The following OCRL variants were observed in gnomAD, a reference collection of about 807,000 sequenced individuals.
OCRL encodes the protein inositol polyphosphate 5-phosphatase OCRL.
A neutral mutation model predicts 78.9 loss-of-function variants in OCRL; 8 were observed. The ratio of observed to expected loss-of-function variants is 0.10; its 90% CI spans 0.06 to 0.18. OCRL has a LOEUF of 0.18. OCRL is among the 10% of genes least tolerant of loss of function. The pLI, the probability that OCRL is intolerant of heterozygous loss-of-function variation, is 1.00. For missense variants in OCRL, 454 were observed against 696.7 expected (o/e 0.65, Z 3.92); for synonymous variants, 240 against 235.4 (o/e 1.02, Z -0.18).
chrX:129,575,208 G>A lies in OCRL; in HGVS notation c.1671G>A (p.Met557Ile), dbSNP rs1309511371. The A allele has an allele frequency of 1.7e-6, 2 of 1,206,865 alleles. No individual in the cohort carries two copies. Among genetic ancestry groups the A allele is most frequent in the African/African-American group, 3.5e-5 (2 of 57,189 alleles). Reference sequence around the variant, plus strand: ...ATAGTGTACGCATCATGGACAGAATGGAAAATGACTTCCTTCCTTCCTTAG... The same window carrying A: ...ATAGTGTACGCATCATGGACAGAATAGAAAATGACTTCCTTCCTTCCTTAG... ...FEDSVRIMDR[M>I]ENDFLPSLEL... Residue 557 changes from methionine (M) to isoleucine (I), a missense_variant, in exon 16 of 24, where the codon ATG (methionine) becomes ATA (isoleucine). Around this residue, in one of 2 missense-constraint regions of OCRL, gnomAD observed 277 missense variants for 517.1 expected, o/e 0.54. Coordinates refer to ENST00000371113, the MANE Select transcript of OCRL (RefSeq NM_000276.4).
At chrX:129,556,629 T>C (rs1389594505) in intron 4 of OCRL, among the ~76,000 whole-genome samples, 1 of 112,466 alleles carries the variant, frequency 8.9e-6, no homozygotes, top group African/African-American at 3.2e-5. Flanking sequence ...CAATATGTTA[T>C]ACACATAATA....
intron 20 of OCRL, among the ~76,000 whole-genome samples, chrX:129,587,568 A>G (rs1307493026): frequency 2.7e-5 from 3 of 111,354 alleles, no homozygotes; most frequent in East Asian, 2.8e-4. Flanking sequence ...CCCAAAAGAG[A>G]TATTTCTTGG....
intron 19 of OCRL, among the ~76,000 whole-genome samples, chrX:129,586,633 A>G (rs564006562): frequency 1.4e-4 from 16 of 112,360 alleles, no homozygotes; most frequent in African/African-American, 4.5e-4. Flanking sequence ...CTGTATTGAC[A>G]ATTGTAATTT....
intron 4 of OCRL, among the ~76,000 whole-genome samples, chrX:129,555,029 T>C (rs1231675890): frequency 1.8e-5 from 2 of 109,835 alleles, no homozygotes; most frequent in Non-Finnish European, 3.8e-5. Flanking sequence ...GGAGAAGTGC[T>C]CCTCCTAGGG....
chrX:129,583,217 G>C (rs1466935832), intron 18 of OCRL, among the ~76,000 whole-genome samples: 3 of 112,034 alleles, frequency 2.7e-5, no homozygotes, highest in Non-Finnish European at 5.6e-5. Flanking sequence ...TTGTACCCAA[G>C]CCTGTCCAAC....
At chrX:129,559,856 G>A (rs1192198168) in intron 8 of OCRL, among the ~76,000 whole-genome samples, 1 of 111,046 alleles carries the variant, frequency 9.0e-6, no homozygotes, top group Non-Finnish European at 1.9e-5. Flanking sequence ...GGCATGTATC[G>A]CCAATGCATG....
intron 4 of OCRL, among the ~76,000 whole-genome samples, chrX:129,550,840 T>C (rs1935949701): frequency 9.0e-6 from 1 of 111,401 alleles, no homozygotes; most frequent in South Asian, 3.7e-4. Flanking sequence ...GGACCAGTGG[T>C]AAATGATGAT....
chrX:129,542,279 G>A (rs890762787), intron 2 of OCRL, among the ~76,000 whole-genome samples: 1 of 107,429 alleles, frequency 9.3e-6, no homozygotes, highest in Admixed American at 1.0e-4. Flanking sequence ...GGGTATAGTT[G>A]GGGGTATATG....
intron 12 of OCRL, among the ~76,000 whole-genome samples, chrX:129,564,490 G>A (rs1433041455): frequency 9.0e-6 from 1 of 110,823 alleles, no homozygotes. Context: ...AACAATGATA[G>A]ACTGGATTAA....
Position 129,590,427 on chromosome X carries a change from C to A in OCRL, c.*157C>A. 1 of 645,228 alleles carries A rather than the reference C, an allele frequency of 1.5e-6. No individual in the cohort carries two copies. Among genetic ancestry groups the A allele is most frequent in the Non-Finnish European group, 2.4e-6 (1 of 411,185 alleles). The allele number at this position is 645,228 out of a possible 1,213,427, so 53.2% of individuals were successfully genotyped here. On this transcript the variant is annotated 3_prime_UTR_variant, in exon 24 of 24. Transcript: ENST00000371113. ...GAGCGTTTCCTAATCCCTCCTTTAC[C>A]ATATCCTACACAGAAAAATACTTTT...
At position 129,590,932 on chromosome X, in the gene OCRL, A is replaced by G. The variant is rs2051909352; in HGVS notation, c.*662A>G. The G allele has an allele frequency of 1.7e-5, 2 of 116,256 alleles. No individual in the cohort carries two copies. The highest frequency in any genetic ancestry group is 1.5e-3 in the Middle Eastern group (1 of 655). 9.6% of individuals were successfully genotyped at this position (116,256 alleles called of 1,213,427 possible). ...CATATTCTCTTAGATCACATTTAGT[A>G]GCATAACTGTAGGGACTATTAGAGA... On this transcript the variant is annotated 3_prime_UTR_variant, in exon 24 of 24. Transcript: ENST00000371113.
chrX:129,572,756 G>A (rs1161948065), intron 15 of OCRL, among the ~76,000 whole-genome samples: 1 of 111,424 alleles, frequency 9.0e-6, no homozygotes, highest in Non-Finnish European at 1.9e-5. Flanking sequence ...AAAAAAGTGT[G>A]GATGCATGTG....
At chrX:129,544,681 T>C (rs781361045) in intron 2 of OCRL, among the ~76,000 whole-genome samples, 3 of 111,604 alleles carry the variant, frequency 2.7e-5, no homozygotes, top group Non-Finnish European at 3.8e-5. Flanking sequence ...GTATGCATAC[T>C]CTGAAGCTAT....
At position 129,552,899 on chromosome X, in the gene OCRL, A is replaced by G. The variant is rs1044330524; in HGVS notation, c.238+4298A>G. The stretch of plus-strand genomic sequence containing the variant: ...ATCCAATACAGTAGCCACTGGCTAC[A>G]TGTGCCTATTTAAAATAATTAGAAA... On this transcript the variant is annotated intron_variant, in intron 4 of 23. Coordinates refer to ENST00000371113, the MANE Select transcript of OCRL (RefSeq NM_000276.4). Among the ~76,000 whole-genome samples the G allele has an allele frequency of 3.6e-5, 4 of 112,660 alleles. 1 individual carries two copies. Among genetic ancestry groups the G allele is most frequent in the Non-Finnish European group, 3.7e-5 (2 of 53,342 alleles).
chrX:129,565,006 G>T (rs1936198495), intron 12 of OCRL, among the ~76,000 whole-genome samples: 1 of 111,777 alleles, frequency 8.9e-6, no homozygotes, highest in Non-Finnish European at 1.9e-5. Flanking sequence ...GTGGTAAAGT[G>T]AAGGCCTTAA....
chrX:129,572,612 A>G (rs192496951), intron 15 of OCRL, among the ~76,000 whole-genome samples: 124 of 112,826 alleles, frequency 1.1e-3, no homozygotes, highest in Middle Eastern at 4.6e-3. Flanking sequence ...ACCGTGGCCA[A>G]TTAATTTCAG....
rs1431333657 is a variant in OCRL, at chrX:129,575,120, G to T, written c.1603-20G>T. 1 of 1,089,730 alleles carries T rather than the reference G, an allele frequency of 9.2e-7. No homozygotes were observed. Among genetic ancestry groups the T allele is most frequent in the Non-Finnish European group, 1.3e-6 (1 of 784,011 alleles). The allele number at this position is 1,089,730 out of a possible 1,213,427, so 89.8% of individuals were successfully genotyped here. A position where few individuals can be genotyped will look rare whatever the true frequency, so the allele number is the denominator to read the frequency against. On this transcript the variant is annotated intron_variant, in intron 15 of 23. Coordinates refer to ENST00000371113, the MANE Select transcript of OCRL (RefSeq NM_000276.4). Reference sequence around the variant, plus strand: ...AGCTAGAAGGATATAAGACTGAAAAGAGGATACATTTTCTTTCAGGTGAAG... The same window carrying T: ...AGCTAGAAGGATATAAGACTGAAAATAGGATACATTTTCTTTCAGGTGAAG...
chrX:129,579,554 A>G (rs1936415206), intron 18 of OCRL, among the ~76,000 whole-genome samples: 1 of 112,171 alleles, frequency 8.9e-6, no homozygotes, highest in African/African-American at 3.2e-5. Context: ...ATGCAGAATG[A>G]AATAACTGAC....
At chrX:129,564,920 G>A (rs1363687953) in intron 12 of OCRL, among the ~76,000 whole-genome samples, 1 of 111,372 alleles carries the variant, frequency 9.0e-6, no homozygotes, top group East Asian at 2.8e-4. Flanking sequence ...TGGGGAAAGA[G>A]GAGGAAAGAG....
Sources: allele counts gnomAD v4.1 joint callset (sites outside exome capture counted in the v4.1 genomes callset), GRCh38; gene constraint gnomAD v4.1.1; regional missense constraint gnomAD v4.1.1; transcripts MANE v1.5; gene names NCBI Gene and HGNC (gene_info 2026-07-23, HGNC 2026-07-21).